TGFB1: variants seen among roughly 807,000 people sequenced by gnomAD.
TGFB1 encodes the protein transforming growth factor beta-1 proprotein.
In TGFB1, 19 loss-of-function variants were observed where a neutral mutation model predicts 43.8. That is an observed-to-expected ratio of 0.43 (90% CI 0.30 to 0.64). The LOEUF (loss-of-function observed/expected upper bound fraction) is 0.64, where lower values mean the gene tolerates loss of function less well. TGFB1 is among the 30% of genes least tolerant of loss of function. TGFB1 has a pLI of 0.11. For missense variants in TGFB1, 445 were observed against 529.8 expected, an observed-to-expected ratio of 0.84 and a Z score of 1.57; for synonymous variants, 221 against 236.3, an observed-to-expected ratio of 0.94 and a Z score of 0.60.
chr19:41,342,015 C>T lies in TGFB1; in HGVS notation c.728G>A (p.Arg243His), dbSNP rs1179374663. 1 of 1,614,144 alleles carries T rather than the reference C, an allele frequency of 6.2e-7. No homozygotes were observed. Among genetic ancestry groups the T allele is most frequent in the Non-Finnish European group, 8.5e-7 (1 of 1,180,030 alleles). The change falls in exon 5 of 7, where the codon CGC (arginine) becomes CAC (histidine). Residue 243 changes from arginine to histidine, a missense_variant. Around this residue, in one of 3 missense-constraint regions of TGFB1, gnomAD observed 366 missense variants for 428.8 expected, o/e 0.85. Transcript: ENST00000221930. The stretch of plus-strand genomic sequence containing the variant: ...ATGAATGGTGGCCAGGTCACCTCGG[C>T]GGCCGGTAGTGAACCCTGCTTTGGT... ...QVDINGFTTGRRGDLATIHGM... is the reference protein window; with the variant it reads ...QVDINGFTTGHRGDLATIHGM...
At chr19:41,340,179 A>G (rs2038038634) in intron 5 of TGFB1, among the ~76,000 whole-genome samples, 1 of 150,968 alleles carries the variant, frequency 6.6e-6, no homozygotes, top group South Asian at 2.1e-4. Context: ...GAATTCCAGT[A>G]TGCCAGTATT....
rs1256208963 is a variant in TGFB1, at chr19:41,353,070, G to T, written c.-26C>A. On this transcript the variant is annotated 5_prime_UTR_variant, in exon 1 of 7. Coordinates refer to ENST00000221930, the MANE Select transcript of TGFB1 (RefSeq NM_000660.7). This position sits in a 1 kb window ranked among gnomAD's most constrained non-coding sequence, Gnocchi z 5.9. ...GGGGGAGGCGGCGCCCCCCGGCACT[G>T]CCGAGAGCGCGAACAGGGCTGGTGT... The T allele has an allele frequency of 5.3e-6, 8 of 1,505,796 alleles. No individual in the cohort carries two copies. The African/African-American group carries it at 6.9e-5, about 13-fold the overall frequency. The allele number at this position is 1,505,796 out of a possible 1,614,324, so 93.3% of individuals were successfully genotyped here. A position where few individuals can be genotyped will look rare whatever the true frequency, so the allele number is the denominator to read the frequency against.
chr19:41,351,359 C>G (rs189709530), intron 1 of TGFB1, among the ~76,000 whole-genome samples: 1 of 152,206 alleles, frequency 6.6e-6, no homozygotes. Context: ...ACGCCTGGGT[C>G]CTCGCATGGA....
At chr19:41,331,436 T>C (rs535323176) in intron 6 of TGFB1, among the ~76,000 whole-genome samples, 1 of 152,136 alleles carries the variant, frequency 6.6e-6, no homozygotes, top group Non-Finnish European at 1.5e-5. Context: ...TGGGTCTCGC[T>C]CTGCCACCCA....
intron 1 of TGFB1, 27 bp downstream of exon 1, chr19:41,352,663 C>G (rs150066327): frequency 6.2e-7 from 1 of 1,610,870 alleles, no homozygotes; most frequent in Admixed American, 1.7e-5. Flanking sequence ...GGCCCCCCTC[C>G]CGGCTCCCCT....
chr19:41,331,951 C>T (rs1404702137), intron 6 of TGFB1, 177 bp downstream of exon 6: 1 of 841,830 alleles, frequency 1.2e-6, no homozygotes, highest in Non-Finnish European at 1.8e-6. Context: ...GCTCAGAGCC[C>T]CTCTCTAGCT....
intron 6 of TGFB1, 200 bp downstream of exon 6, chr19:41,331,928 C>T (rs550257438): frequency 6.1e-6 from 4 of 657,394 alleles, no homozygotes; most frequent in Middle Eastern, 3.8e-4. Context: ...TAGCTCATCT[C>T]CCTCTGGCCC....
intron 2 of TGFB1, among the ~76,000 whole-genome samples, chr19:41,345,604 C>A (rs4803455): frequency 0.5 from 76,518 of 151,770 alleles, 19,658 homozygotes; most frequent in African/African-American, 0.57. Context: ...ACTTAGAAGT[C>A]ATTTCTAATG....
rs2038227906 is a variant in TGFB1, at chr19:41,352,883, C to T, written c.162G>A (p.Leu54=). ...GGGGGCTGGCGAGCCGCAGCTTGGA[C>T]AGGATCTGGCCGCGGATGGCCTCGA... is the stretch of plus-strand genomic sequence containing the variant. ...KRIEAIRGQI[L]SKLRLASPPS... The change falls in exon 1 of 7, where the codon CTG becomes CTA. Residue 54 remains leucine, a synonymous_variant. Coordinates refer to ENST00000221930, the MANE Select transcript of TGFB1 (RefSeq NM_000660.7). 1.3e-6 allele frequency: 2 copies of T among 1,563,582 alleles called. No homozygotes were observed. Among genetic ancestry groups the T allele is most frequent in the African/African-American group, 2.7e-5 (2 of 73,788 alleles).
chr19:41,346,602 G>C (rs896363987), intron 2 of TGFB1, among the ~76,000 whole-genome samples: 1 of 152,190 alleles, frequency 6.6e-6, no homozygotes, highest in African/African-American at 2.4e-5. Flanking sequence ...CTATCTTCTA[G>C]AGCAGTGCTG....
At chr19:41,341,847 A>C in intron 5 of TGFB1, 36 bp downstream of exon 5, 1 of 1,612,208 alleles carries the variant, frequency 6.2e-7, no homozygotes, top group Non-Finnish European at 8.5e-7. Context: ...TCATGCCCCC[A>C]GCCTGGAAGG....
Position 41,335,994 on chromosome 19 carries a change from GT to G in TGFB1, c.861-3714del, listed in dbSNP as rs373830946. On this transcript the variant is annotated intron_variant, in intron 5 of 6. Coordinates refer to ENST00000221930, the MANE Select transcript of TGFB1 (RefSeq NM_000660.7). ...CTTAAGAACAAATTTTCCTATGAAA[GT>G]TTTTTTTTTTTTTTTTTGAGATGGA... Among the ~76,000 whole-genome samples, 440 of 134,896 alleles carry G rather than the reference GT, an allele frequency of 3.3e-3. 1 individual carries two copies. Among genetic ancestry groups the G allele is most frequent in the African/African-American group, 5.6e-3 (200 of 36,012 alleles). 88.5% of individuals were successfully genotyped at this position (134,896 alleles called of 152,430 possible). A position where few individuals can be genotyped will look rare whatever the true frequency, so the allele number is the denominator to read the frequency against.
chr19:41,343,139 CTTT>C (rs67233828), intron 3 of TGFB1, among the ~76,000 whole-genome samples: 1 of 143,444 alleles, frequency 7.0e-6, no homozygotes, highest in Admixed American at 6.9e-5. Flanking sequence ...TTTTTCTTTT[CTTT>C]TTTTTTTTTG....
chr19:41,343,051 G>A lies in TGFB1; in HGVS notation c.635-804C>T, dbSNP rs190051613. ...GGACTCAGCATTGACCAAGACAGAT[G>A]AGCTCCTTCTAGGCCTTTGTCGAAC... On this transcript the variant is annotated intron_variant, in intron 3 of 6. Coordinates refer to ENST00000221930, the MANE Select transcript of TGFB1 (RefSeq NM_000660.7). Among the ~76,000 whole-genome samples the A allele has an allele frequency of 1.7e-3, 265 of 152,244 alleles. 3 individuals carry two copies. Among genetic ancestry groups the A allele is most frequent in the African/African-American group, 6.0e-3 (248 of 41,546 alleles).
chr19:41,333,821 A>C (rs1168719092), intron 5 of TGFB1, among the ~76,000 whole-genome samples: 3 of 152,222 alleles, frequency 2.0e-5, no homozygotes, highest in Non-Finnish European at 4.4e-5. Flanking sequence ...AAAATATCCA[A>C]GTGACTGTTA....
At chr19:41,331,403 T>A (rs932027776) in intron 6 of TGFB1, among the ~76,000 whole-genome samples, 193 bp from the exon 7 acceptor site, 2 of 151,950 alleles carry the variant, frequency 1.3e-5, no homozygotes, top group African/African-American at 4.8e-5. Flanking sequence ...CCCACCTGTC[T>A]GATTTTCTTT....
chr19:41,342,907 G>C (rs548012420), intron 3 of TGFB1, among the ~76,000 whole-genome samples: 9 of 151,602 alleles, frequency 5.9e-5, no homozygotes, highest in African/African-American at 2.2e-4. Context: ...CTGGCCTCCC[G>C]AAGTGCTGGG....
intron 1 of TGFB1, among the ~76,000 whole-genome samples, chr19:41,348,733 C>T (rs1240601693): frequency 1.3e-5 from 2 of 151,762 alleles, no homozygotes; most frequent in African/African-American, 2.4e-5. Flanking sequence ...AAGCAATTCT[C>T]CTGCCTCAGC....
chr19:41,348,156 A>T, intron 2 of TGFB1, 139 bp downstream of exon 2: 1 of 929,860 alleles, frequency 1.1e-6, no homozygotes. Context: ...GCGTTCTAGG[A>T]TTGTATGGTT....
Sources: gnomAD v4.1 joint callset for allele counts (sites outside exome capture counted in the v4.1 genomes callset) on GRCh38, gnomAD v4.1.1 for gene constraint, gnomAD v4.1.1 regional missense constraint, Gnocchi (gnomAD v3.1) non-coding constraint, MANE v1.5 for transcripts, NCBI Gene and HGNC (gene_info 2026-07-23, HGNC 2026-07-21) for gene names.